FUT8: variants seen among roughly 807,000 people sequenced by gnomAD.
FUT8 encodes the protein alpha-(1,6)-fucosyltransferase.
FUT8 carries 29 observed loss-of-function variants against 71.3 expected under a neutral mutation model. The ratio of observed to expected loss-of-function variants is 0.41; its 90% CI spans 0.30 to 0.55. FUT8 has a LOEUF of 0.55. Among genes scored for constraint, FUT8 ranks in the 20% least tolerant of loss-of-function variants. The pLI is 0.34. For synonymous variants in FUT8, 254 were observed against 239.3 expected, an observed-to-expected ratio of 1.06 and a Z score of -0.57; for missense variants, 544 against 702.1, an observed-to-expected ratio of 0.77 and a Z score of 2.55.
intron 7 of FUT8, among the ~76,000 whole-genome samples, chr14:65,711,052 A>G (rs1329392106): frequency 2.6e-5 from 4 of 152,202 alleles, no homozygotes; most frequent in Non-Finnish European, 5.9e-5. Context: ...ATCTGCCCCT[A>G]TAACCCAAAC....
chr14:65,650,298 C>CAAAAAA (rs869168766), intron 6 of FUT8, among the ~76,000 whole-genome samples: 10 of 39,692 alleles, frequency 2.5e-4, no homozygotes, highest in African/African-American at 9.0e-4. Flanking sequence ...GACTCTGTCT[C>CAAAAAA]AAAAAAAAAA....
rs181744508 is a variant in FUT8, at chr14:65,601,326, T to A, written c.204-14652T>A. On this transcript the variant is annotated intron_variant, in intron 3 of 10. Transcript: ENST00000673929. ...ACTCTTATAAAGCTTGACATTTGAA[T>A]AAATACAATTATTTGTTGTGCTTTT... is the stretch of plus-strand genomic sequence containing the variant. 4.6e-5 allele frequency among the ~76,000 whole-genome samples: 7 copies of A among 152,320 alleles called. No homozygotes were observed. In the East Asian group the frequency reaches 1.2e-3, roughly 25 times the overall value.
chr14:65,664,117 A>G (rs548171392), intron 6 of FUT8, among the ~76,000 whole-genome samples: 2 of 152,210 alleles, frequency 1.3e-5, no homozygotes, highest in African/African-American at 2.4e-5. Context: ...GATATGAGGG[A>G]CATTTTCTTT....
At chr14:65,525,772 T>A (rs1468525450) in intron 2 of FUT8, among the ~76,000 whole-genome samples, 1 of 152,130 alleles carries the variant, frequency 6.6e-6, no homozygotes, top group Non-Finnish European at 1.5e-5. Flanking sequence ...TCTTTGTTAT[T>A]ACTGGTTTCA....
rs59069113 is a variant in FUT8 at position 65,580,070 on chromosome 14, T to TTATATATATATATATATATA, written c.203+18305_203+18324dup. On this transcript the variant is annotated intron_variant, in intron 3 of 10. Coordinates refer to ENST00000673929, the MANE Select transcript of FUT8 (RefSeq NM_001371533.1). ...TTCAAAATACTGATAGTGCTATATT[T>TTATATATATATATATATATA]TATATATATATATATATATAGTCAT... Among the ~76,000 whole-genome samples, 322 of 142,798 alleles carry TTATATATATATATATATATA rather than the reference T, an allele frequency of 2.3e-3. 1 individual carries two copies. Among genetic ancestry groups the TTATATATATATATATATATA allele is most frequent in the African/African-American group, 8.3e-3 (315 of 38,022 alleles). The allele number at this position is 142,798 out of a possible 152,430, so 93.7% of individuals were successfully genotyped here. A position where few individuals can be genotyped will look rare whatever the true frequency, so the allele number is the denominator to read the frequency against.
At chr14:65,503,707 G>A (rs2066682483) in intron 2 of FUT8, among the ~76,000 whole-genome samples, 1 of 152,010 alleles carries the variant, frequency 6.6e-6, no homozygotes, top group Non-Finnish European at 1.5e-5. Flanking sequence ...AAGGTTCTAG[G>A]TTCCTTTTGT....
chr14:65,638,404 GACTTTTACT>G lies in FUT8; in HGVS notation c.597+8799_597+8807del, dbSNP rs150418985. On this transcript the variant is annotated intron_variant, in intron 6 of 10. Coordinates refer to ENST00000673929, the MANE Select transcript of FUT8 (RefSeq NM_001371533.1). This position sits in a 1 kb window ranked among gnomAD's most constrained non-coding sequence, Gnocchi z 4.5. ...TTGCTTTGGTTTATGTTTTGAATAG[GACTTTTACT>G]GGAAATTGGTAGATTATTTTTCTTT... Among the ~76,000 whole-genome samples, 2,264 of 152,010 alleles carry G rather than the reference GACTTTTACT, an allele frequency of 0.015. 59 individuals carry two copies. Among genetic ancestry groups the G allele is most frequent in the African/African-American group, 0.051 (2,112 of 41,480 alleles).
In FUT8 at chr14:65,629,584, A is replaced by G. The variant is rs943064182; in HGVS notation, c.575A>G (p.Gln192Arg). The G allele has an allele frequency of 6.2e-7, 1 of 1,613,192 alleles. No individual in the cohort carries two copies. Among genetic ancestry groups the G allele is most frequent in the African/African-American group, 1.3e-5 (1 of 75,046 alleles). ...GCCAAAGATCTGACAGAACTGGTTC[A>G]GCGGAGAATAACATATCTTCAGGTA... ...KEAKDLTELV[Q>R]RRITYLQNPK... Residue 192 changes from glutamine to arginine, a missense_variant, in exon 6 of 11, where the codon CAG becomes CGG. Physicochemically the swap from Gln to Arg is conservative, Grantham distance 43. Coordinates refer to ENST00000673929, the MANE Select transcript of FUT8 (RefSeq NM_001371533.1).
chr14:65,615,749 A>G (rs185679730), intron 3 of FUT8, among the ~76,000 whole-genome samples: 1 of 152,338 alleles, frequency 6.6e-6, no homozygotes, highest in African/African-American at 2.4e-5. Context: ...AGAAGATCAT[A>G]GATTTCTGAA....
At chr14:65,684,261 A>G (rs753502849) in intron 7 of FUT8, among the ~76,000 whole-genome samples, 5 of 152,184 alleles carry the variant, frequency 3.3e-5, no homozygotes, top group Non-Finnish European at 5.9e-5. Flanking sequence ...AACAGGAGTA[A>G]CCACAGATGC....
chr14:65,364,391 C>T, the FUT8 span, among the ~76,000 whole-genome samples: 5 of 152,110 alleles, frequency 3.3e-5, no homozygotes, highest in African/African-American at 1.2e-4. Context: ...TTAGTAGAGA[C>T]GGGGTTTCAC....
chr14:65,440,579 C>T lies in FUT8; in HGVS notation c.-325-15042C>T, dbSNP rs775877362. Among the ~76,000 whole-genome samples, 18 of 152,164 alleles carry T rather than the reference C, an allele frequency of 1.2e-4. 1 individual carries two copies. In the South Asian group the frequency reaches 1.5e-3, roughly 12 times the overall value. On this transcript the variant is annotated intron_variant, in intron 1 of 10. Transcript: ENST00000673929. ...TTAGCTTGATTTAATCATTCCACAG[C>T]GTACACATATATGAAAACATCCAGT...
At position 65,489,903 on chromosome 14, in the gene FUT8, C is replaced by A. The variant is rs2066459320; in HGVS notation, c.-228+34185C>A. Among the ~76,000 whole-genome samples, 1 of 151,848 alleles carries A rather than the reference C, an allele frequency of 6.6e-6. No homozygotes were observed. The highest frequency in any genetic ancestry group is 1.5e-5 in the Non-Finnish European group (1 of 67,884). Reference sequence around the variant, plus strand: ...TCTTTTCAAAAAAACATTAAAAACTCCAAAACCCAAGGAAGAAAAAGCTTC... The same window carrying A: ...TCTTTTCAAAAAAACATTAAAAACTACAAAACCCAAGGAAGAAAAAGCTTC... On this transcript the variant is annotated intron_variant, in intron 2 of 10. Coordinates refer to ENST00000673929, the MANE Select transcript of FUT8 (RefSeq NM_001371533.1). This position sits in a 1 kb window ranked among gnomAD's most constrained non-coding sequence, Gnocchi z 4.0.
chr14:65,569,852 T>G (rs1245901686), intron 3 of FUT8, among the ~76,000 whole-genome samples: 1 of 152,040 alleles, frequency 6.6e-6, no homozygotes, highest in Non-Finnish European at 1.5e-5. Context: ...TCCAGTACAA[T>G]CAGTGATTGA....
chr14:65,714,148 C>A (rs1894940109), intron 7 of FUT8, among the ~76,000 whole-genome samples: 1 of 152,158 alleles, frequency 6.6e-6, no homozygotes, highest in African/African-American at 2.4e-5. Flanking sequence ...AGTGTATATT[C>A]TTGGCACCTT....
At chr14:65,526,897 C>A (rs1020779204) in intron 2 of FUT8, among the ~76,000 whole-genome samples, 1 of 152,218 alleles carries the variant, frequency 6.6e-6, no homozygotes, top group Non-Finnish European at 1.5e-5. Context: ...GGCCCCCACT[C>A]TCTTCTGGCT....
the FUT8 span, among the ~76,000 whole-genome samples, chr14:65,390,182 TTA>T: frequency 1.3e-5 from 2 of 150,400 alleles, no homozygotes; most frequent in African/African-American, 2.4e-5. Flanking sequence ...AAAATAATAT[TTA>T]TATATATATG....
At chr14:65,478,331 G>A (rs148990890) in intron 2 of FUT8, among the ~76,000 whole-genome samples, 87 of 152,140 alleles carry the variant, frequency 5.7e-4, no homozygotes, top group African/African-American at 1.7e-3. Flanking sequence ...AATCCAAAAC[G>A]TTCCAAAATC....
rs77420099 is a variant in FUT8, at chr14:65,652,785, C to A, written c.598-16458C>A. 7.0e-3 allele frequency among the ~76,000 whole-genome samples: 1,064 copies of A among 152,230 alleles called. 19 individuals carry two copies. The highest frequency in any genetic ancestry group is 0.024 in the African/African-American group (993 of 41,528). On this transcript the variant is annotated intron_variant, in intron 6 of 10. Coordinates refer to ENST00000673929, the MANE Select transcript of FUT8 (RefSeq NM_001371533.1). The surrounding 1 kb of genome is among the most constrained non-coding windows in gnomAD (Gnocchi z 4.0). ...AACTTCTACTAAACCTACCTATACT[C>A]CAGCTGTCCCTGTTAACAGGACCTC...
Sources: allele counts gnomAD v4.1 joint callset (sites outside exome capture counted in the v4.1 genomes callset), GRCh38; gene constraint gnomAD v4.1.1; non-coding constraint Gnocchi (gnomAD v3.1); transcripts MANE v1.5; gene names NCBI Gene and HGNC (gene_info 2026-07-23, HGNC 2026-07-21).